The following EIF4G3 variants were observed in gnomAD, a reference collection of about 807,000 sequenced individuals.
EIF4G3 encodes the protein eukaryotic translation initiation factor 4 gamma 3, also known as eIF-4-gamma 3.
Under a neutral mutation model 186.4 loss-of-function variants are expected in EIF4G3, and 34 were observed. That is an observed-to-expected ratio of 0.18 (90% confidence interval 0.14 to 0.24). The LOEUF (loss-of-function observed/expected upper bound fraction) is 0.24, where lower values mean the gene tolerates loss of function less well. Among genes scored for constraint, EIF4G3 ranks in the 10% least tolerant of loss-of-function variants. The pLI is 1.00. For synonymous variants in EIF4G3, 673 were observed against 679.5 expected (o/e 0.99, Z 0.15); for missense variants, 1,536 against 1,948.5 (o/e 0.79, Z 3.99).
intron 7 of EIF4G3, 98 bp from the exon 8 acceptor site, chr1:20,982,506 A>C (rs948697396): frequency 2.0e-4 from 151 of 750,978 alleles, no homozygotes; most frequent in Middle Eastern, 4.7e-4. Flanking sequence ...CATGCAGCTC[A>C]ACAAAAATAT....
intron 20 of EIF4G3, among the ~76,000 whole-genome samples, chr1:20,869,277 C>G (rs2078429329): frequency 6.8e-6 from 1 of 148,036 alleles, no homozygotes; most frequent in Non-Finnish European, 1.5e-5. Flanking sequence ...CTCTAAAACT[C>G]TGGTTTCTAG....
chr1:21,114,405 A>G (rs560566748), intron 2 of EIF4G3, among the ~76,000 whole-genome samples: 2 of 152,214 alleles, frequency 1.3e-5, no homozygotes, highest in Non-Finnish European at 2.9e-5. Context: ...CTGGGATTAC[A>G]GGCGTGAGCC....
intron 3 of EIF4G3, among the ~76,000 whole-genome samples, chr1:21,062,975 C>T (rs2095007089): frequency 6.6e-6 from 1 of 152,128 alleles, no homozygotes; most frequent in South Asian, 2.1e-4. Context: ...GCAATCCAAA[C>T]CAGTTTGATA....
At chr1:20,830,006 C>CT (rs1337408857) in intron 30 of EIF4G3, among the ~76,000 whole-genome samples, 1 of 152,124 alleles carries the variant, frequency 6.6e-6, no homozygotes, top group Non-Finnish European at 1.5e-5. Context: ...ACAAACAACT[C>CT]AAGACTTTGT....
At chr1:20,868,090 C>CTGTTTTTTTTTTTTTTTT (rs2078044005) in intron 20 of EIF4G3, among the ~76,000 whole-genome samples, 2 of 90,404 alleles carry the variant, frequency 2.2e-5, no homozygotes, top group African/African-American at 4.0e-5. Flanking sequence ...TGGTGATTTT[C>CTGTTTTTTTTTTTTTTTT]TTTTTTTTTT....
At chr1:20,914,690 A>G (rs886173266) in intron 14 of EIF4G3, among the ~76,000 whole-genome samples, 13 of 152,210 alleles carry the variant, frequency 8.5e-5, no homozygotes, top group African/African-American at 3.1e-4. Context: ...TCGGTTCAAA[A>G]TATTTTATAA....
intron 12 of EIF4G3, among the ~76,000 whole-genome samples, chr1:20,963,075 TTCTCTCTGTATGGTCTGTATGG>T (rs926864493): frequency 9.2e-5 from 14 of 152,164 alleles, no homozygotes; most frequent in African/African-American, 2.4e-4. Flanking sequence ...CTGTTGACAC[TTCTCTCTGTATGGTCTGTATGG>T]TCTCTCTGTA....
At chr1:20,808,762 C>G (rs1010965418) in intron 36 of EIF4G3, among the ~76,000 whole-genome samples, 2 of 152,076 alleles carry the variant, frequency 1.3e-5, no homozygotes, top group African/African-American at 4.8e-5. Flanking sequence ...TGAAACTACA[C>G]CTGTTATTTA....
In EIF4G3 at chr1:20,860,485, C is replaced by T. The variant is rs545647548; in HGVS notation, c.3144G>A (p.Gly1048=). 2 of 1,613,982 alleles carry T rather than the reference C, an allele frequency of 1.2e-6. No individual in the cohort carries two copies. Among genetic ancestry groups the T allele is most frequent in the Admixed American group, 3.3e-5 (2 of 60,002 alleles). Residue 1048 remains glycine (G), a synonymous_variant, in exon 24 of 37, where the codon GGG becomes GGA. Coordinates refer to ENST00000602326, the MANE Select transcript of EIF4G3 (RefSeq NM_001391906.1). The part of the protein sequence containing the change: ...CNWVSRRADQ[G]PKTIEQIHKE... The stretch of plus-strand genomic sequence containing the variant: ...TGTGAATCTGTTCGATAGTTTTAGG[C>T]CCTTGATCTGCTCTTCGAGATACCC...
chr1:21,068,995 G>A (rs1305100125), intron 3 of EIF4G3, among the ~76,000 whole-genome samples: 1 of 152,186 alleles, frequency 6.6e-6, no homozygotes, highest in East Asian at 1.9e-4. Flanking sequence ...GATTTTGAAT[G>A]TTTTGATTAG....
chr1:20,978,897 T>C (rs1172411987), intron 10 of EIF4G3, among the ~76,000 whole-genome samples: 1 of 152,048 alleles, frequency 6.6e-6, no homozygotes. Flanking sequence ...CTTTGCCTAC[T>C]TCACCTCAAA....
At chr1:20,977,090 GA>G (rs11444926) in intron 10 of EIF4G3, among the ~76,000 whole-genome samples, 3,662 of 148,322 alleles carry the variant, frequency 0.025, 81 homozygotes, top group African/African-American at 0.048. Context: ...AAATATAAAT[GA>G]AAAAAAAAAT....
In EIF4G3 at chr1:20,825,205, TAG is replaced by T; in HGVS notation, c.4270-9_4270-8del. On this transcript the variant is annotated splice_region_variant and splice_polypyrimidine_tract_variant and intron_variant, in intron 32 of 36. Transcript: ENST00000602326. ...CTCCCACTTTCTTATGGCTCTAAAA[TAG>T]AGATAAATCCAATCCATTTACTTTC... 6.9e-7 allele frequency: 1 copy of T among 1,454,526 alleles called. No homozygotes were observed. Among genetic ancestry groups the T allele is most frequent in the Non-Finnish European group, 9.3e-7 (1 of 1,079,942 alleles). The allele number at this position is 1,454,526 out of a possible 1,614,324, so 90.1% of individuals were successfully genotyped here.
chr1:21,125,754 A>ATT (rs1202411399), intron 2 of EIF4G3, among the ~76,000 whole-genome samples: 3,043 of 131,754 alleles, frequency 0.023, 49 homozygotes, highest in African/African-American at 0.051. Context: ...AATATATATA[A>ATT]TTTTTTTATA....
At chr1:21,143,608 A>G (rs2097379627) in intron 2 of EIF4G3, among the ~76,000 whole-genome samples, 1 of 152,166 alleles carries the variant, frequency 6.6e-6, no homozygotes, top group African/African-American at 2.4e-5. Context: ...GCACAAAATA[A>G]ATTTCATTAT....
At chr1:20,821,627 A>G (rs946736388) in intron 33 of EIF4G3, among the ~76,000 whole-genome samples, 13 of 151,596 alleles carry the variant, frequency 8.6e-5, no homozygotes, top group Non-Finnish European at 1.8e-4. Flanking sequence ...CTTCCCTATT[A>G]TGTATACTTC....
chr1:20,972,436 T>TA (rs2076086078), intron 11 of EIF4G3, among the ~76,000 whole-genome samples: 1 of 151,898 alleles, frequency 6.6e-6, no homozygotes, highest in South Asian at 2.1e-4. Flanking sequence ...GAGTTCGAGA[T>TA]CACCCTGGGC....
At chr1:20,918,698 TATC>T (rs1215008908) in intron 14 of EIF4G3, among the ~76,000 whole-genome samples, 1 of 138,876 alleles carries the variant, frequency 7.2e-6, no homozygotes, top group African/African-American at 2.7e-5. Flanking sequence ...ATCCTCCTAG[TATC>T]TTTTTTTTTT....
chr1:21,022,054 G>A (rs889190435), intron 4 of EIF4G3, among the ~76,000 whole-genome samples: 8 of 152,078 alleles, frequency 5.3e-5, no homozygotes, highest in African/African-American at 1.9e-4. Context: ...AAATTTTGGT[G>A]CAAAAATACC....
Sources: gnomAD v4.1 joint callset for allele counts (sites outside exome capture counted in the v4.1 genomes callset) on GRCh38, gnomAD v4.1.1 for gene constraint, MANE v1.5 for transcripts, NCBI Gene and HGNC (gene_info 2026-07-23, HGNC 2026-07-21) for gene names.